DIS3L2: variants seen among roughly 807,000 people sequenced by gnomAD.
The protein encoded by DIS3L2 is DIS3 like 3'-5' exoribonuclease 2, also known as DIS3-like exonuclease 2.
In DIS3L2, 34 loss-of-function variants were observed where a neutral mutation model predicts 97.5. The ratio of observed to expected loss-of-function variants is 0.35; its 90% CI spans 0.27 to 0.46. The LOEUF (loss-of-function observed/expected upper bound fraction) is 0.46, where lower values mean the gene tolerates loss of function less well. Ranked by LOEUF, DIS3L2 falls within the 20% of genes least tolerant of loss-of-function variation. The pLI is 1.00. For synonymous variants in DIS3L2, 435 were observed against 445.2 expected (o/e 0.98, Z 0.29); for missense variants, 1,038 against 1,146.0 (o/e 0.91, Z 1.36).
intron 1 of DIS3L2, among the ~76,000 whole-genome samples, chr2:231,961,973 C>T (rs1692569769): frequency 6.6e-6 from 1 of 152,248 alleles, no homozygotes; most frequent in African/African-American, 2.4e-5. Context: ...CCCCAGCTCC[C>T]CACTCTCCGC....
At chr2:232,220,710 C>T (rs1692477317) in intron 10 of DIS3L2, among the ~76,000 whole-genome samples, 2 of 151,516 alleles carry the variant, frequency 1.3e-5, no homozygotes, top group South Asian at 4.2e-4. Context: ...CCATCTAAAA[C>T]AAAAGAAAAG....
At chr2:232,283,541 G>A (rs1485059791) in intron 13 of DIS3L2, among the ~76,000 whole-genome samples, 1 of 152,184 alleles carries the variant, frequency 6.6e-6, no homozygotes, top group Admixed American at 6.5e-5. Context: ...TACAGGTGTT[G>A]TGAGCGACTG....
rs528889674 is a variant in DIS3L2 at position 232,292,037 on chromosome 2, T to A, written c.1660-8003T>A. On this transcript the variant is annotated intron_variant, in intron 13 of 20. Transcript: ENST00000325385. This position sits in a 1 kb window ranked among gnomAD's most constrained non-coding sequence, Gnocchi z 4.4. ...TGTTTGACAAAGCTGCCTGTGTGCC[T>A]GGGCCAGCCAAAGATCTACCTGTTC... Among the ~76,000 whole-genome samples, 19 of 152,278 alleles carry A rather than the reference T, an allele frequency of 1.2e-4. No homozygotes were observed. Among genetic ancestry groups the A allele is most frequent in the Non-Finnish European group, 2.4e-4 (16 of 68,020 alleles).
intron 9 of DIS3L2, among the ~76,000 whole-genome samples, chr2:232,191,911 C>T (rs10498260): frequency 0.17 from 25,291 of 152,020 alleles, 2,713 homozygotes; most frequent in South Asian, 0.42. Context: ...AATATTAAGT[C>T]GCTACTCTAA....
At position 232,268,427 on chromosome 2, in the gene DIS3L2, G is replaced by A. The variant is rs551976753; in HGVS notation, c.1659+4987G>A. 2.0e-5 allele frequency among the ~76,000 whole-genome samples: 3 copies of A among 152,132 alleles called. No homozygotes were observed. Among genetic ancestry groups the A allele is most frequent in the Non-Finnish European group, 4.4e-5 (3 of 68,036 alleles). On this transcript the variant is annotated intron_variant, in intron 13 of 20. Transcript: ENST00000325385. The surrounding 1 kb of genome is among the most constrained non-coding windows in gnomAD (Gnocchi z 4.1). ...ACCTTGACCTGTTCCAGCCTTTAAG[G>A]CAGGGATTGACGGATATTTTCTGTA... is the stretch of plus-strand genomic sequence containing the variant.
chr2:231,966,641 A>AT (rs36151054), intron 1 of DIS3L2, among the ~76,000 whole-genome samples: 2,391 of 50,464 alleles, frequency 0.047, 204 homozygotes, highest in Non-Finnish European at 0.064. Flanking sequence ...GTTAAAAAAC[A>AT]TTTTTTTTTT....
intron 6 of DIS3L2, among the ~76,000 whole-genome samples, chr2:232,120,286 G>C (rs1697858450): frequency 1.3e-5 from 2 of 152,200 alleles, no homozygotes; most frequent in Non-Finnish European, 2.9e-5. Flanking sequence ...TAGTGTGGCA[G>C]CATGGAAAGA....
At chr2:232,097,137 G>A (rs553394517) in intron 6 of DIS3L2, among the ~76,000 whole-genome samples, 1 of 152,198 alleles carries the variant, frequency 6.6e-6, no homozygotes, top group Admixed American at 6.5e-5. Context: ...GTTACCACAA[G>A]CCCAGTAACA....
intron 3 of DIS3L2, 23 bp downstream of exon 3, chr2:232,015,694 C>G: frequency 1.9e-6 from 3 of 1,611,162 alleles, no homozygotes; most frequent in Non-Finnish European, 2.5e-6. Context: ...TACTGGAAGG[C>G]TATTCTCTGA....
chr2:232,270,896 C>CTCTCTCTGTCTCG (rs1693984108), intron 13 of DIS3L2, among the ~76,000 whole-genome samples: 1 of 144,464 alleles, frequency 6.9e-6, no homozygotes, highest in African/African-American at 2.8e-5. Context: ...CTCTCTCTCT[C>CTCTCTCTGTCTCG]TCTCTCTCTC....
chr2:232,223,310 G>A (rs1692555769), intron 10 of DIS3L2, among the ~76,000 whole-genome samples: 2 of 152,156 alleles, frequency 1.3e-5, no homozygotes, highest in Non-Finnish European at 2.9e-5. Context: ...AGGAGAACTG[G>A]GTTCTTGTCT....
At chr2:232,331,910 T>C (rs550681995) in intron 16 of DIS3L2, 26 of 152,372 alleles carry the variant, frequency 1.7e-4, no homozygotes, top group African/African-American at 5.8e-4. Flanking sequence ...GGGAATCCGA[T>C]GGCAGAGAGT....
chr2:232,093,251 G>A (rs911092132), intron 6 of DIS3L2, among the ~76,000 whole-genome samples: 16 of 152,026 alleles, frequency 1.1e-4, no homozygotes, highest in African/African-American at 3.9e-4. Context: ...ACTTGGTCAT[G>A]ATGAATGATC....
intron 12 of DIS3L2, among the ~76,000 whole-genome samples, chr2:232,253,332 C>T (rs1227033930): frequency 6.6e-6 from 1 of 152,128 alleles, no homozygotes; most frequent in African/African-American, 2.4e-5. Flanking sequence ...AATGTCAGCA[C>T]GTGGAAAGGA....
chr2:232,029,317 T>C (rs1694742660), intron 4 of DIS3L2, among the ~76,000 whole-genome samples: 1 of 152,218 alleles, frequency 6.6e-6, no homozygotes, highest in South Asian at 2.1e-4. Context: ...GGTGAAGGCC[T>C]GCATTTCCTT....
chr2:232,198,082 G>C (rs1691801986), intron 9 of DIS3L2, among the ~76,000 whole-genome samples: 1 of 152,004 alleles, frequency 6.6e-6, no homozygotes, highest in Admixed American at 6.6e-5. Context: ...GTCCCTTTGA[G>C]TCATAGCTCT....
rs374347723 is a variant in DIS3L2, at chr2:232,279,781, G to A, written c.1659+16341G>A. The stretch of plus-strand genomic sequence containing the variant: ...CCTGACCTCGTGATCTGTCCACCTC[G>A]GCCTCCCAAAGTGCTGGGATTACAG... On this transcript the variant is annotated intron_variant, in intron 13 of 20. Coordinates refer to ENST00000325385, the MANE Select transcript of DIS3L2 (RefSeq NM_152383.5). Among the ~76,000 whole-genome samples, 39 of 152,014 alleles carry A rather than the reference G, an allele frequency of 2.6e-4. 1 individual carries two copies. In the South Asian group the frequency reaches 7.7e-3, roughly 30 times the overall value.
chr2:232,329,785 T>TCCCGGGGGGGGC, intron 14 of DIS3L2, 28 bp from the exon 15 acceptor site: 118 of 967,100 alleles, frequency 1.2e-4, no homozygotes, highest in Non-Finnish European at 1.5e-4. Flanking sequence ...ACCCCAGCGG[T>TCCCGGGGGGGGC]CCCTCCCATC....
chr2:232,302,719 C>T (rs1694889665), intron 14 of DIS3L2, among the ~76,000 whole-genome samples: 1 of 152,008 alleles, frequency 6.6e-6, no homozygotes, highest in Non-Finnish European at 1.5e-5. Flanking sequence ...TGCCACCACA[C>T]CTAGCTAAAT....
Sources: gnomAD v4.1 joint callset for allele counts (sites outside exome capture counted in the v4.1 genomes callset) on GRCh38, gnomAD v4.1.1 for gene constraint, Gnocchi (gnomAD v3.1) non-coding constraint, MANE v1.5 for transcripts, NCBI Gene and HGNC (gene_info 2026-07-23, HGNC 2026-07-21) for gene names.